Variants in RASAL2 observed in about 807,000 individuals in gnomAD.
The protein encoded by RASAL2 is ras GTPase-activating protein nGAP.
A neutral mutation model predicts 128.9 loss-of-function variants in RASAL2; 58 were observed. That is an observed-to-expected ratio of 0.45 (90% CI 0.36 to 0.56). The LOEUF is 0.56. Ranked by LOEUF, RASAL2 falls within the 20% of genes least tolerant of loss-of-function variation. RASAL2 has a pLI of 0.00. For synonymous variants in RASAL2, 561 were observed against 580.8 expected (o/e 0.97, Z 0.49); for missense variants, 1,360 against 1,601.6 (o/e 0.85, Z 2.57).
At chr1:178,324,152 T>C (rs1668919597) in intron 3 of RASAL2, among the ~76,000 whole-genome samples, 1 of 152,200 alleles carries the variant, frequency 6.6e-6, no homozygotes, top group Non-Finnish European at 1.5e-5. Context: ...AACATAAACT[T>C]TGATTTGAGC....
At chr1:178,267,248 C>T (rs1666000940) in intron 1 of RASAL2, among the ~76,000 whole-genome samples, 2 of 152,136 alleles carry the variant, frequency 1.3e-5, no homozygotes, top group Admixed American at 1.3e-4. Flanking sequence ...TTACATATCT[C>T]TCTTAATTCC....
chr1:178,132,943 A>G (rs1660176476), intron 1 of RASAL2, among the ~76,000 whole-genome samples: 1 of 151,740 alleles, frequency 6.6e-6, no homozygotes, highest in Non-Finnish European at 1.5e-5. Context: ...TAATTTTTGT[A>G]TTTTTAGTAG....
At chr1:178,315,707 T>C (rs1668477523) in intron 3 of RASAL2, among the ~76,000 whole-genome samples, 1 of 146,764 alleles carries the variant, frequency 6.8e-6, no homozygotes, top group Non-Finnish European at 1.5e-5. Context: ...GTCAGATGAG[T>C]AGGTTGCGAA....
At position 178,112,456 on chromosome 1, in the gene RASAL2, A is replaced by C. The variant is rs564445863; in HGVS notation, c.202+17762A>C. 2.2e-3 allele frequency among the ~76,000 whole-genome samples: 340 copies of C among 152,152 alleles called. 6 individuals are homozygous for C. The highest frequency in any genetic ancestry group is 5.0e-3 in the Admixed American group (76 of 15,278). On this transcript the variant is annotated intron_variant, in intron 1 of 17. Coordinates refer to ENST00000367649, the MANE Select transcript of RASAL2 (RefSeq NM_170692.4). ...TCTCAACTACTCAGGAGGCTGAGGC[A>C]GGAGAATTGCTTGAACCCGGGAGGT...
intron 1 of RASAL2, among the ~76,000 whole-genome samples, chr1:178,200,831 C>T (rs1178631180): frequency 6.6e-6 from 1 of 152,172 alleles, no homozygotes; most frequent in Non-Finnish European, 1.5e-5. Context: ...GAAACAGCTT[C>T]CTCATCCCCA....
intron 5 of RASAL2, among the ~76,000 whole-genome samples, chr1:178,423,235 G>A (rs2102760113): frequency 6.6e-6 from 1 of 151,552 alleles, no homozygotes; most frequent in South Asian, 2.1e-4. Flanking sequence ...TCCCTTTTTT[G>A]GTACAAAATA....
At chr1:178,228,305 G>A (rs1455570783) in intron 1 of RASAL2, among the ~76,000 whole-genome samples, 1 of 152,150 alleles carries the variant, frequency 6.6e-6, no homozygotes, top group African/African-American at 2.4e-5. Context: ...TTGTGGGCCG[G>A]GTGCGGTGGC....
rs922863612 is a variant in RASAL2 at position 178,341,633 on chromosome 1, C to T, written c.457+41515C>T. The T allele has an allele frequency of 6.2e-6, 10 of 1,613,480 alleles. No individual in the cohort carries two copies. The East Asian group carries it at 1.6e-4, about 25-fold the overall frequency. ...GGTAAGAGTTTGTAGAGTCTGAGAC[C>T]GAAATGAAAAGTCACGTATTTAAGG... On this transcript the variant is annotated intron_variant, in intron 3 of 17. Transcript: ENST00000367649.
intron 1 of RASAL2, among the ~76,000 whole-genome samples, chr1:178,211,574 G>A (rs1663257926): frequency 6.6e-6 from 1 of 152,048 alleles, no homozygotes; most frequent in Non-Finnish European, 1.5e-5. Flanking sequence ...ATCAGTACCT[G>A]AAATGGATCG....
At chr1:178,181,571 G>A (rs1388824563) in intron 1 of RASAL2, among the ~76,000 whole-genome samples, 4 of 151,864 alleles carry the variant, frequency 2.6e-5, no homozygotes, top group African/African-American at 9.7e-5. Flanking sequence ...CGTTGATTTA[G>A]ATTATTTTTA....
chr1:178,202,583 T>C (rs1221230425), intron 1 of RASAL2, among the ~76,000 whole-genome samples: 3 of 152,222 alleles, frequency 2.0e-5, no homozygotes, highest in African/African-American at 4.8e-5. Context: ...TATTATATAC[T>C]GAGTCATGGG....
chr1:178,332,613 CT>C (rs72401422), intron 3 of RASAL2, among the ~76,000 whole-genome samples: 39,709 of 135,762 alleles, frequency 0.29, 6,476 homozygotes, highest in African/African-American at 0.55. Flanking sequence ...GTCTCCAATT[CT>C]TTTTTTTTTT....
At chr1:178,267,658 G>A (rs1407928934) in intron 1 of RASAL2, among the ~76,000 whole-genome samples, 2 of 134,714 alleles carry the variant, frequency 1.5e-5, no homozygotes, top group Non-Finnish European at 3.1e-5. Flanking sequence ...GTCTTGCTCT[G>A]TCGCCCAGCT....
At chr1:178,131,368 G>C (rs1337054821) in intron 1 of RASAL2, among the ~76,000 whole-genome samples, 2 of 143,888 alleles carry the variant, frequency 1.4e-5, no homozygotes, top group African/African-American at 5.2e-5. Context: ...TACCACGCCT[G>C]GATAATCTTT....
At chr1:178,410,064 A>G (rs1356464363) in intron 4 of RASAL2, among the ~76,000 whole-genome samples, 1 of 152,184 alleles carries the variant, frequency 6.6e-6, no homozygotes, top group African/African-American at 2.4e-5. Flanking sequence ...ATAGCATCAG[A>G]TGATTAGCTG....
At chr1:178,359,277 C>A (rs1295494649) in intron 3 of RASAL2, among the ~76,000 whole-genome samples, 1 of 151,990 alleles carries the variant, frequency 6.6e-6, no homozygotes, top group Non-Finnish European at 1.5e-5. Context: ...AGGATTTTGT[C>A]AGTTGCCTTT....
chr1:178,381,051 T>A (rs1169531886), intron 3 of RASAL2, among the ~76,000 whole-genome samples: 1 of 152,140 alleles, frequency 6.6e-6, no homozygotes, highest in East Asian at 1.9e-4. Context: ...AAAGCAGGCA[T>A]GTGAGAATGA....
chr1:178,236,756 CTTTTTTTTTTTT>C (rs549848632), intron 1 of RASAL2, among the ~76,000 whole-genome samples: 14,882 of 118,724 alleles, frequency 0.13, 835 homozygotes, highest in Middle Eastern at 0.2. Context: ...TTGGACACTA[CTTTTTTTTTTTT>C]TTTTTTTTTT....
rs550865223 is a variant in RASAL2, at chr1:178,309,019, A to G, written c.457+8901A>G. 2.0e-5 allele frequency among the ~76,000 whole-genome samples: 3 copies of G among 152,292 alleles called. No individual in the cohort carries two copies. In the East Asian group the frequency reaches 5.8e-4, roughly 29 times the overall value. ...ATATATTCTTTCCTTTATAAAATAG[A>G]GTAAAAATGCTGATAAATAATGTCT... On this transcript the variant is annotated intron_variant, in intron 3 of 17. Transcript: ENST00000367649.
Sources: allele counts gnomAD v4.1 joint callset (sites outside exome capture counted in the v4.1 genomes callset), GRCh38; gene constraint gnomAD v4.1.1; transcripts MANE v1.5; gene names NCBI Gene and HGNC (gene_info 2026-07-23, HGNC 2026-07-21).